The following AFG1L variants were observed in gnomAD, a reference collection of about 807,000 sequenced individuals.
AFG1L encodes the protein AFG1 like ATPase, also known as AFG1-like ATPase.
AFG1L carries 53 observed loss-of-function variants against 62.2 expected under a neutral mutation model. The ratio of observed to expected loss-of-function variants is 0.85; its 90% confidence interval spans 0.68 to 1.07. The LOEUF (loss-of-function observed/expected upper bound fraction) is 1.07, where lower values mean the gene tolerates loss of function less well. Among genes scored for constraint, AFG1L ranks in the 50% least tolerant of loss-of-function variants. AFG1L has a pLI of 0.00. For missense variants in AFG1L, 555 were observed against 590.5 expected (o/e 0.94, Z 0.62); for synonymous variants, 228 against 210.3 (o/e 1.08, Z -0.73).
Position 108,366,307 on chromosome 6 carries a change from G to A in AFG1L, c.723G>A (p.Val241=). 1 of 1,611,542 alleles carries A rather than the reference G, an allele frequency of 6.2e-7. No individual in the cohort carries two copies. The highest frequency in any genetic ancestry group is 8.5e-7 in the Non-Finnish European group (1 of 1,178,298). Residue 241 remains valine (V), a synonymous_variant, in exon 6 of 13, where the codon GTG becomes GTA. Coordinates refer to ENST00000368977, the MANE Select transcript of AFG1L (RefSeq NM_145315.5). ...ENLFKNGVVV[V]ATSNRPPEDL... ...TGTTCAAAAACGGGGTCGTCGTTGT[G>A]GCAACATCCAACAGGCCACCGGAAG...
intron 6 of AFG1L, among the ~76,000 whole-genome samples, chr6:108,369,947 G>GATCTAT (rs1554189699): frequency 0.22 from 28,475 of 129,792 alleles, 3,322 homozygotes; most frequent in South Asian, 0.24. Context: ...TGGCTGGCTG[G>GATCTAT]CTATCTATCT....
chr6:108,477,041 C>A, intron 9 of AFG1L, 106 bp downstream of exon 9: 1 of 1,078,554 alleles, frequency 9.3e-7, no homozygotes, highest in Non-Finnish European at 1.4e-6. Flanking sequence ...TGATGCCACG[C>A]TCAAGTGGCA....
chr6:108,318,628 T>C (rs1777694432), intron 1 of AFG1L, among the ~76,000 whole-genome samples: 1 of 152,224 alleles, frequency 6.6e-6, no homozygotes, highest in Non-Finnish European at 1.5e-5. Context: ...TTAAATCTTT[T>C]AGAAAGTGGG....
intron 10 of AFG1L, 53 bp from the exon 11 acceptor site, chr6:108,510,158 AG>A: frequency 7.0e-7 from 1 of 1,424,054 alleles, no homozygotes; most frequent in South Asian, 1.3e-5. Flanking sequence ...ACCACTCCAA[AG>A]GCAACCAGAA....
intron 2 of AFG1L, among the ~76,000 whole-genome samples, chr6:108,346,433 A>G (rs901882868): frequency 6.6e-6 from 1 of 151,696 alleles, no homozygotes; most frequent in African/African-American, 2.4e-5. Context: ...TGGTGTGAAC[A>G]TGGCTCACTG....
chr6:108,373,863 C>T (rs905030989), intron 6 of AFG1L, among the ~76,000 whole-genome samples: 10 of 152,250 alleles, frequency 6.6e-5, no homozygotes, highest in Admixed American at 5.9e-4. Flanking sequence ...CAGGCGTGAG[C>T]CACTGCGCCT....
intron 10 of AFG1L, among the ~76,000 whole-genome samples, chr6:108,478,216 T>A (rs549861873): frequency 2.0e-5 from 3 of 152,126 alleles, no homozygotes; most frequent in Non-Finnish European, 2.9e-5. Context: ...GGCGGGTGGA[T>A]CATGAGGTCA....
At chr6:108,414,864 A>G (rs1211722028) in intron 7 of AFG1L, among the ~76,000 whole-genome samples, 8 of 152,356 alleles carry the variant, frequency 5.3e-5, no homozygotes, top group East Asian at 1.9e-4. Flanking sequence ...CTGGCACAAG[A>G]CAGGGATGCC....
chr6:108,305,817 T>C (rs1462126059), intron 1 of AFG1L, among the ~76,000 whole-genome samples: 1 of 152,192 alleles, frequency 6.6e-6, no homozygotes, highest in African/African-American at 2.4e-5. Flanking sequence ...CTTCATTTAG[T>C]AGGAAATGGA....
At chr6:108,522,220 T>TA in intron 12 of AFG1L, 77 bp from the exon 13 acceptor site, 2 of 1,459,032 alleles carry the variant, frequency 1.4e-6, no homozygotes, top group South Asian at 2.5e-5. Context: ...CCTAAAAAGT[T>TA]TTTTTAAACC....
In AFG1L at chr6:108,515,596, G is replaced by A. The variant is rs569899072; in HGVS notation, c.1204-4101G>A. On this transcript the variant is annotated intron_variant, in intron 11 of 12. Transcript: ENST00000368977. ...TAACATCACAATTAAAAGAACTAGA[G>A]AAGCAAGAGCAAACACATTCAAAAG... is the stretch of plus-strand genomic sequence containing the variant. Among the ~76,000 whole-genome samples, 106 of 152,176 alleles carry A rather than the reference G, an allele frequency of 7.0e-4. 2 individuals carry two copies. Among genetic ancestry groups the A allele is most frequent in the African/African-American group, 2.5e-3 (102 of 41,522 alleles).
At chr6:108,309,841 C>T (rs1406519215) in intron 1 of AFG1L, among the ~76,000 whole-genome samples, 1 of 151,982 alleles carries the variant, frequency 6.6e-6, no homozygotes, top group African/African-American at 2.4e-5. Context: ...GATTACATGC[C>T]AATTACAATT....
At chr6:108,313,889 T>C (rs569149984) in intron 1 of AFG1L, among the ~76,000 whole-genome samples, 1 of 152,048 alleles carries the variant, frequency 6.6e-6, no homozygotes, top group African/African-American at 2.4e-5. Context: ...AATTTCTACT[T>C]CCACATAAAA....
At chr6:108,355,010 G>A (rs567286887) in intron 3 of AFG1L, among the ~76,000 whole-genome samples, 1 of 151,650 alleles carries the variant, frequency 6.6e-6, no homozygotes, top group African/African-American at 2.4e-5. Flanking sequence ...AAATAGAAGT[G>A]TTACAATTGA....
At chr6:108,513,226 G>A (rs1452635897) in intron 11 of AFG1L, among the ~76,000 whole-genome samples, 3 of 152,220 alleles carry the variant, frequency 2.0e-5, no homozygotes, top group Non-Finnish European at 4.4e-5. Flanking sequence ...TCTAACTGAG[G>A]TACTGGGTTC....
intron 2 of AFG1L, among the ~76,000 whole-genome samples, chr6:108,340,905 TGAA>T (rs935743699): frequency 2.0e-5 from 3 of 152,208 alleles, no homozygotes; most frequent in African/African-American, 7.2e-5. Flanking sequence ...GTTCTCTTTA[TGAA>T]GAAGTAGGAG....
chr6:108,394,717 A>G (rs1287274440), intron 6 of AFG1L, among the ~76,000 whole-genome samples: 2 of 152,186 alleles, frequency 1.3e-5, no homozygotes, highest in Non-Finnish European at 2.9e-5. Context: ...TTGTTTATCC[A>G]TTCCCCTGAT....
chr6:108,369,326 A>G (rs955494440), intron 6 of AFG1L, among the ~76,000 whole-genome samples: 31 of 152,212 alleles, frequency 2.0e-4, no homozygotes, highest in African/African-American at 7.2e-4. Flanking sequence ...CCGTAGGCCA[A>G]AAAAGTTACA....
chr6:108,399,350 A>G (rs1263494710), intron 6 of AFG1L, among the ~76,000 whole-genome samples: 1 of 151,210 alleles, frequency 6.6e-6, no homozygotes, highest in Non-Finnish European at 1.5e-5. Flanking sequence ...ACCACACCCC[A>G]CTAATTTTTG....
Sources: gnomAD v4.1 joint callset for allele counts (sites outside exome capture counted in the v4.1 genomes callset) on GRCh38, gnomAD v4.1.1 for gene constraint, MANE v1.5 for transcripts, NCBI Gene and HGNC (gene_info 2026-07-23, HGNC 2026-07-21) for gene names.